Variants in SLC35F2 observed in about 807,000 individuals in gnomAD.
SLC35F2 encodes queuine/queuosine transporter SLC35F2.
In SLC35F2, 25 loss-of-function variants were observed where a neutral mutation model predicts 38.1. The observed-to-expected ratio is 0.66, with a 90% confidence interval of 0.48 to 0.92. The LOEUF (loss-of-function observed/expected upper bound fraction) is 0.92. Among genes scored for constraint, SLC35F2 ranks in the 40% least tolerant of loss-of-function variants. SLC35F2 has a pLI of 0.00. For synonymous variants in SLC35F2, 173 were observed against 181.7 expected (o/e 0.95, Z 0.38); for missense variants, 409 against 452.9 (o/e 0.90, Z 0.88).
rs1403535816 is a variant in SLC35F2, at chr11:107,858,787, C to T, written c.-20G>A. On this transcript the variant is annotated 5_prime_UTR_variant, in exon 1 of 8. Transcript: ENST00000525815. Reference sequence around the variant, plus strand: ...CTCCATCGGCGCCCTTGCGCGTCTCCGGCGCCCAAAACCCCCGAAGTGCCG... The same window carrying T: ...CTCCATCGGCGCCCTTGCGCGTCTCTGGCGCCCAAAACCCCCGAAGTGCCG... 1.6e-6 allele frequency: 2 copies of T among 1,250,770 alleles called. No homozygotes were observed. The highest frequency in any genetic ancestry group is 2.0e-6 in the Non-Finnish European group (2 of 989,936). 77.5% of individuals were successfully genotyped at this position (1,250,770 alleles called of 1,614,324 possible). A position where few individuals can be genotyped will look rare whatever the true frequency, so the allele number is the denominator to read the frequency against.
At chr11:107,822,357 T>C (rs959738336) in intron 1 of SLC35F2, among the ~76,000 whole-genome samples, 2 of 152,238 alleles carry the variant, frequency 1.3e-5, no homozygotes, top group Non-Finnish European at 2.9e-5. Flanking sequence ...TAGATACTTA[T>C]GTACCTGATT....
chr11:107,819,228 A>G (rs1859632540), intron 1 of SLC35F2, among the ~76,000 whole-genome samples: 1 of 152,218 alleles, frequency 6.6e-6, no homozygotes, highest in Non-Finnish European at 1.5e-5. Context: ...TTCTTAGGGC[A>G]TGAGCATCTT....
Position 107,799,945 on chromosome 11 carries a change from G to A in SLC35F2, c.939+3056C>T, listed in dbSNP as rs182370226. Among the ~76,000 whole-genome samples the A allele has an allele frequency of 2.0e-5, 3 of 151,484 alleles. No homozygotes were observed. The East Asian group carries it at 5.8e-4, about 29-fold the overall frequency. ...GCTCTGTTGCCCAGGCTGGAGTGCA[G>A]TGGCGTGATCTCGGCTTATTGCAAG... On this transcript the variant is annotated intron_variant, in intron 7 of 7. Transcript: ENST00000525815.
rs1201211547 is a variant in SLC35F2 at position 107,818,069 on chromosome 11, AAAAAAAGAAAGAAAGAAAGAAAGAAAG to A, written c.111-2131_111-2105del. ...AAGACTCTGTCTCAAAAAAAAAAAA[AAAAAAAGAAAGAAAGAAAGAAAGAAAG>A]AAAGAAAGAAAGAAAGAAAGAAAGA... On this transcript the variant is annotated intron_variant, in intron 1 of 7. Coordinates refer to ENST00000525815, the MANE Select transcript of SLC35F2 (RefSeq NM_017515.5). Among the ~76,000 whole-genome samples, 243 of 129,014 alleles carry A rather than the reference AAAAAAAGAAAGAAAGAAAGAAAGAAAG, an allele frequency of 1.9e-3. 5 individuals carry two copies. The highest frequency in any genetic ancestry group is 7.3e-3 in the African/African-American group (213 of 29,018). 84.6% of individuals were successfully genotyped at this position (129,014 alleles called of 152,430 possible).
At chr11:107,800,403 C>A (rs1269946639) in intron 7 of SLC35F2, among the ~76,000 whole-genome samples, 1 of 148,014 alleles carries the variant, frequency 6.8e-6, no homozygotes, top group Non-Finnish European at 1.5e-5. Context: ...TCATGGCCGA[C>A]TTCTGGGAAT....
Position 107,810,798 on chromosome 11 carries a change from C to T in SLC35F2, c.414+869G>A, listed in dbSNP as rs919130357. 3.1e-6 allele frequency: 3 copies of T among 980,606 alleles called. No individual in the cohort carries two copies. In the African/African-American group the frequency reaches 5.3e-5, roughly 17 times the overall value. The allele number at this position is 980,606 out of a possible 1,614,324, so 60.7% of individuals were successfully genotyped here. On this transcript the variant is annotated intron_variant, in intron 3 of 7. Coordinates refer to ENST00000525815, the MANE Select transcript of SLC35F2 (RefSeq NM_017515.5). ...GAAAAATACTGAGTTCTCATCAATC[C>T]TTATATTTTCTATGCGAAATAAGTC...
At chr11:107,824,928 C>A (rs1334591371) in intron 1 of SLC35F2, among the ~76,000 whole-genome samples, 1 of 152,136 alleles carries the variant, frequency 6.6e-6, no homozygotes, top group Non-Finnish European at 1.5e-5. Flanking sequence ...GTAGCCTCTA[C>A]CTATATGCAG....
rs140549397 is a variant in SLC35F2, at chr11:107,849,470, C to G, written c.110+9188G>C. Among the ~76,000 whole-genome samples, 1,132 of 152,032 alleles carry G rather than the reference C, an allele frequency of 7.4e-3. 19 individuals are homozygous for G. Among genetic ancestry groups the G allele is most frequent in the African/African-American group, 0.026 (1,078 of 41,468 alleles). On this transcript the variant is annotated intron_variant, in intron 1 of 7. Transcript: ENST00000525815. Reference sequence around the variant, plus strand: ...CCTGGCCAACATGGTGAAACCCCGTCTCTACTAAAAATGCAAAAACTAGCC... The same window carrying G: ...CCTGGCCAACATGGTGAAACCCCGTGTCTACTAAAAATGCAAAAACTAGCC...
At chr11:107,813,631 A>G (rs1859518245) in intron 2 of SLC35F2, among the ~76,000 whole-genome samples, 1 of 152,172 alleles carries the variant, frequency 6.6e-6, no homozygotes, top group Non-Finnish European at 1.5e-5. Flanking sequence ...AGCAAAGTCC[A>G]GGGTTATTAA....
intron 1 of SLC35F2, among the ~76,000 whole-genome samples, chr11:107,852,421 G>A (rs1860201132): frequency 6.6e-6 from 1 of 152,016 alleles, no homozygotes; most frequent in African/African-American, 2.4e-5. Context: ...TGTGGTGACA[G>A]GCACCTGTAG....
At position 107,812,492 on chromosome 11, in the gene SLC35F2, CATA is replaced by C. The variant is rs567900910; in HGVS notation, c.287-701_287-699del. On this transcript the variant is annotated intron_variant, in intron 2 of 7. Coordinates refer to ENST00000525815, the MANE Select transcript of SLC35F2 (RefSeq NM_017515.5). Reference sequence around the variant, plus strand: ...AGGATTTCAAGACCAGCTGGGCTTACATAATGAGACTCCACCTCTTTAAGAAAA... The same window carrying C: ...AGGATTTCAAGACCAGCTGGGCTTACATGAGACTCCACCTCTTTAAGAAAA... Among the ~76,000 whole-genome samples the C allele has an allele frequency of 2.9e-3, 412 of 144,132 alleles. 1 individual carries two copies. The highest frequency in any genetic ancestry group is 4.2e-3 in the Non-Finnish European group (275 of 65,560). The allele number at this position is 144,132 out of a possible 152,430, so 94.6% of individuals were successfully genotyped here.
At chr11:107,848,261 A>G (rs976338180) in intron 1 of SLC35F2, among the ~76,000 whole-genome samples, 1 of 151,542 alleles carries the variant, frequency 6.6e-6, no homozygotes, top group Admixed American at 6.6e-5. Context: ...ATGTTCAGGT[A>G]AAGAGGAAGA....
At chr11:107,810,506 C>A (rs946880130) in intron 3 of SLC35F2, 1 of 984,924 alleles carries the variant, frequency 1.0e-6, no homozygotes, top group African/African-American at 1.7e-5. Context: ...CTTATGTATA[C>A]TTCATTAACC....
At chr11:107,805,790 C>A in intron 4 of SLC35F2, 1 of 397,122 alleles carries the variant, frequency 2.5e-6, no homozygotes, top group Non-Finnish European at 3.4e-6. Context: ...GATTCTCCTG[C>A]CTCAGCCTCC....
intron 4 of SLC35F2, 193 bp downstream of exon 4, chr11:107,806,524 T>C (rs897223521): frequency 1.1e-5 from 6 of 571,128 alleles, no homozygotes; most frequent in African/African-American, 1.9e-5. Context: ...CACTTGAAGA[T>C]TGGATGAATT....
intron 1 of SLC35F2, among the ~76,000 whole-genome samples, chr11:107,840,037 C>A (rs1236608771): frequency 6.6e-6 from 1 of 152,068 alleles, no homozygotes; most frequent in Non-Finnish European, 1.5e-5. Context: ...GGGAAGGGGG[C>A]AAAATAAAGA....
chr11:107,821,510 C>T lies in SLC35F2; in HGVS notation c.111-5545G>A, dbSNP rs1859672586. ...AGCAAAGGAAGAAAGAAGACAAGAA[C>T]ACTCAAACTTATAGACACTGAAGGC... On this transcript the variant is annotated intron_variant, in intron 1 of 7. Transcript: ENST00000525815. 4 of 985,256 alleles carry T rather than the reference C, an allele frequency of 4.1e-6. No homozygotes were observed. In the Admixed American group the frequency reaches 2.5e-4, roughly 61 times the overall value. The allele number at this position is 985,256 out of a possible 1,614,324, so 61.0% of individuals were successfully genotyped here.
rs372481379 is a variant in SLC35F2, at chr11:107,803,046, C to T, written c.894G>A (p.Ala298=). 4.7e-5 allele frequency: 76 copies of T among 1,613,758 alleles called. No homozygotes were observed. Among genetic ancestry groups the T allele is most frequent in the Non-Finnish European group, 5.8e-5 (68 of 1,179,952 alleles). ...GTCCAACAAAAAGGCTGTAGAGGTCCGCTGTCAGGATGCCCAGGTTGACGG... is the reference window on the plus strand; with the variant it reads ...GTCCAACAAAAAGGCTGTAGAGGTCTGCTGTCAGGATGCCCAGGTTGACGG... The part of the protein sequence containing the change: ...ATSVNLGILT[A]DLYSLFVGLF... Residue 298 remains alanine (A), a synonymous_variant, in exon 7 of 8, where the codon GCG becomes GCA. Coordinates refer to ENST00000525815, the MANE Select transcript of SLC35F2 (RefSeq NM_017515.5).
At chr11:107,833,996 C>A (rs994676427) in intron 1 of SLC35F2, among the ~76,000 whole-genome samples, 2 of 152,182 alleles carry the variant, frequency 1.3e-5, no homozygotes, top group Admixed American at 6.5e-5. Context: ...AGATGCTATG[C>A]CGGACACGGA....
Sources: gnomAD v4.1 joint callset for allele counts (sites outside exome capture counted in the v4.1 genomes callset) on GRCh38, gnomAD v4.1.1 for gene constraint, MANE v1.5 for transcripts, NCBI Gene and HGNC (gene_info 2026-07-23, HGNC 2026-07-21) for gene names.